ADARB2: variants seen among roughly 807,000 people sequenced by gnomAD.
ADARB2 encodes adenosine deaminase RNA specific B2 (inactive).
In ADARB2, 25 loss-of-function variants were observed where a neutral mutation model predicts 62.2. The ratio of observed to expected loss-of-function variants is 0.40; its 90% CI spans 0.29 to 0.56. The LOEUF (loss-of-function observed/expected upper bound fraction) is 0.56. ADARB2 is among the 20% of genes least tolerant of loss of function. ADARB2 has a pLI of 0.43. For missense variants in ADARB2, 1,071 were observed against 1,077.4 expected (o/e 0.99, Z 0.08); for synonymous variants, 572 against 500.8 (o/e 1.14, Z -1.90).
intron 1 of ADARB2, among the ~76,000 whole-genome samples, chr10:1,393,363 ATAATCCGAT>A (rs1285296368): frequency 6.6e-6 from 1 of 152,226 alleles, no homozygotes; most frequent in Non-Finnish European, 1.5e-5. Context: ...TGTGTTACAA[ATAATCCGAT>A]TATACTCAGT....
At chr10:1,299,222 G>A (rs2387645) in intron 3 of ADARB2, among the ~76,000 whole-genome samples, 66,541 of 151,478 alleles carry the variant, frequency 0.44, 16,204 homozygotes, top group East Asian at 0.69. Context: ...GCCCCAGATG[G>A]GGAAACCCAC....
rs1835058053 is a variant in ADARB2 at position 1,719,181 on chromosome 10, C to T, written c.100+17870G>A. On this transcript the variant is annotated intron_variant, in intron 1 of 9. Transcript: ENST00000381312. Reference sequence around the variant, plus strand: ...GTTTCACCATGTTGGCCAGGCTGGTCTTGAACTCCTGACCTCAGGTGATTG... The same window carrying T: ...GTTTCACCATGTTGGCCAGGCTGGTTTTGAACTCCTGACCTCAGGTGATTG... Among the ~76,000 whole-genome samples the T allele has an allele frequency of 4.6e-5, 7 of 152,170 alleles. 1 individual carries two copies. Among genetic ancestry groups the T allele is most frequent in the African/African-American group, 1.4e-4 (6 of 41,440 alleles).
intron 1 of ADARB2, among the ~76,000 whole-genome samples, chr10:1,550,797 G>A (rs1832609564): frequency 6.6e-6 from 1 of 152,028 alleles, no homozygotes; most frequent in Non-Finnish European, 1.5e-5. Flanking sequence ...AAGAGTGAAG[G>A]TGAAGAGATG....
Position 1,363,102 on chromosome 10 carries a change from C to T in ADARB2, c.1003G>A (p.Ala335Thr). ...TGGATGTCGAACAGCTCCTGCAGTG[C>T]GGCCTGCGCGGCCTGACCCCGGGCC... ...KLARGQAAQAALQELFDIQMP... is the reference protein window; with the variant it reads ...KLARGQAAQATLQELFDIQMP... The change falls in exon 3 of 10, where the codon GCA becomes ACA. Residue 335 changes from alanine (A) to threonine (T), a missense_variant. By Grantham distance (58) the Ala-to-Thr change is moderately conservative (BLOSUM62 0). Transcript: ENST00000381312. The T allele has an allele frequency of 6.6e-7, 1 of 1,518,828 alleles. No individual in the cohort carries two copies. The highest frequency in any genetic ancestry group is 2.7e-5 in the East Asian group (1 of 37,638). The allele number at this position is 1,518,828 out of a possible 1,614,324, so 94.1% of individuals were successfully genotyped here.
chr10:1,441,425 G>A (rs986408186), intron 1 of ADARB2, among the ~76,000 whole-genome samples: 3 of 152,180 alleles, frequency 2.0e-5, no homozygotes, highest in Admixed American at 6.5e-5. Context: ...CTTCTCAGAG[G>A]AAAGAAGATT....
intron 1 of ADARB2, among the ~76,000 whole-genome samples, chr10:1,520,237 A>T (rs1170269875): frequency 6.6e-6 from 1 of 152,224 alleles, no homozygotes; most frequent in Non-Finnish European, 1.5e-5. Flanking sequence ...TTCTGACTGA[A>T]CCATATGCAT....
At chr10:1,530,169 C>T (rs1311133736) in intron 1 of ADARB2, among the ~76,000 whole-genome samples, 1 of 152,262 alleles carries the variant, frequency 6.6e-6, no homozygotes, top group Admixed American at 6.5e-5. Context: ...CCTTTCTCCT[C>T]TGCTCACCTG....
intron 8 of ADARB2, among the ~76,000 whole-genome samples, chr10:1,194,898 T>C (rs569195038): frequency 1.1e-4 from 16 of 152,354 alleles, no homozygotes; most frequent in Non-Finnish European, 1.9e-4. Flanking sequence ...ATTTGGGTTT[T>C]ATCTCCTGTG....
chr10:1,235,280 G>A (rs1009517547), intron 5 of ADARB2, among the ~76,000 whole-genome samples: 3 of 134,622 alleles, frequency 2.2e-5, no homozygotes, highest in East Asian at 2.1e-4. Context: ...GAACCGTGGC[G>A]AAACGGCTTT....
At position 1,191,039 on chromosome 10, in the gene ADARB2, G is replaced by T. The variant is rs554260774; in HGVS notation, c.1865-6000C>A. Among the ~76,000 whole-genome samples, 317 of 150,556 alleles carry T rather than the reference G, an allele frequency of 2.1e-3. 1 individual carries two copies. The highest frequency in any genetic ancestry group is 6.8e-3 in the African/African-American group (272 of 40,116). ...TGGGCCCCACACTCTGCAGAATGGG[G>T]GTTTGCACACTCTGGGCCCCACACT... On this transcript the variant is annotated intron_variant, in intron 8 of 9. Transcript: ENST00000381312.
At chr10:1,505,128 A>G (rs1831824363) in intron 1 of ADARB2, among the ~76,000 whole-genome samples, 1 of 151,866 alleles carries the variant, frequency 6.6e-6, no homozygotes, top group Middle Eastern at 3.2e-3. Context: ...CAACATAGAC[A>G]TGCACACATA....
intron 7 of ADARB2, among the ~76,000 whole-genome samples, chr10:1,202,438 C>T (rs1255330282): frequency 6.6e-6 from 1 of 152,202 alleles, no homozygotes; most frequent in Non-Finnish European, 1.5e-5. Flanking sequence ...CTTGGCCTCC[C>T]ACCGTGCTGG....
intron 3 of ADARB2, among the ~76,000 whole-genome samples, chr10:1,321,256 A>G (rs1279828615): frequency 6.6e-6 from 1 of 152,186 alleles, no homozygotes; most frequent in Admixed American, 6.5e-5. Flanking sequence ...TCTCTCTTGC[A>G]GAGAGCAAGC....
intron 1 of ADARB2, among the ~76,000 whole-genome samples, chr10:1,540,477 C>T (rs1832403218): frequency 6.8e-6 from 1 of 147,630 alleles, no homozygotes; most frequent in Non-Finnish European, 1.5e-5. Flanking sequence ...CCAGACCCCA[C>T]TCAGACGTAG....
intron 1 of ADARB2, among the ~76,000 whole-genome samples, chr10:1,404,972 A>C (rs559610237): frequency 3.7e-4 from 57 of 152,334 alleles, no homozygotes; most frequent in African/African-American, 1.4e-3. Context: ...CTTTATGTGC[A>C]AATTAAATCT....
At chr10:1,625,884 C>CCACTTCTCACGCCTCTGCCTGACCGCCT (rs1172015057) in intron 1 of ADARB2, among the ~76,000 whole-genome samples, 1 of 152,258 alleles carries the variant, frequency 6.6e-6, no homozygotes, top group African/African-American at 2.4e-5. Context: ...CCTGGCTGCC[C>CCACTTCTCACGCCTCTGCCTGACCGCCT]CACTTCTCAC....
At chr10:1,311,286 G>T (rs1831688089) in intron 3 of ADARB2, among the ~76,000 whole-genome samples, 1 of 152,210 alleles carries the variant, frequency 6.6e-6, no homozygotes, top group Non-Finnish European at 1.5e-5. Context: ...GCTGCTGATG[G>T]CATTACTTTT....
At chr10:1,513,976 A>C (rs1831972409) in intron 1 of ADARB2, among the ~76,000 whole-genome samples, 1 of 151,676 alleles carries the variant, frequency 6.6e-6, no homozygotes, top group African/African-American at 2.4e-5. Context: ...TAATCCCAGC[A>C]TTGTGGGATG....
chr10:1,379,367 T>C (rs1169114520), intron 1 of ADARB2, among the ~76,000 whole-genome samples: 2 of 152,140 alleles, frequency 1.3e-5, no homozygotes, highest in Non-Finnish European at 2.9e-5. Context: ...AACTCTACGA[T>C]TTCCTTCTTT....
Sources: allele counts gnomAD v4.1 joint callset (sites outside exome capture counted in the v4.1 genomes callset), GRCh38; gene constraint gnomAD v4.1.1; transcripts MANE v1.5; gene names NCBI Gene and HGNC (gene_info 2026-07-23, HGNC 2026-07-21).